The following SH3BGRL2 variants were observed in gnomAD, a reference collection of about 807,000 sequenced individuals.
SH3BGRL2 encodes the protein SH3 domain binding glutamate rich protein like 2.
SH3BGRL2 carries 21 observed loss-of-function variants against 14.8 expected under a neutral mutation model. That is an observed-to-expected ratio of 1.42 (90% CI 1.01 to 2.05). The LOEUF is 2.05. Ranked by LOEUF, SH3BGRL2 falls within the 30% of genes most tolerant of loss-of-function variation. SH3BGRL2 has a pLI of 0.00. For missense variants in SH3BGRL2, 147 were observed against 130.8 expected, an observed-to-expected ratio of 1.12 and a Z score of -0.61; for synonymous variants, 50 against 47.8, an observed-to-expected ratio of 1.05 and a Z score of -0.19.
Position 79,703,372 on chromosome 6 carries a change from T to A in SH3BGRL2, c.*3863T>A, listed in dbSNP as rs2030181508. On this transcript the variant is annotated 3_prime_UTR_variant, in exon 4 of 4. Coordinates refer to ENST00000369838, the MANE Select transcript of SH3BGRL2 (RefSeq NM_031469.4). ...ATAAGCCATTTGAATTTTTAAAAAA[T>A]TTCATACATGCAATGGAATATAGAT... 1 of 152,118 alleles carries A rather than the reference T, an allele frequency of 6.6e-6. No homozygotes were observed. Among genetic ancestry groups the A allele is most frequent in the Non-Finnish European group, 1.5e-5 (1 of 68,028 alleles). The allele number at this position is 152,118 out of a possible 1,614,324, so 9.4% of individuals were successfully genotyped here.
upstream of SH3BGRL2, among the ~76,000 whole-genome samples, chr6:79,630,493 A>C (rs1768800859): frequency 6.6e-6 from 1 of 152,212 alleles, no homozygotes. Context: ...AACTATATAG[A>C]AGCTTTTTAT....
At chr6:79,615,361 G>A in the SH3BGRL2 span, among the ~76,000 whole-genome samples, 6 of 152,160 alleles carry the variant, frequency 3.9e-5, no homozygotes, top group Admixed American at 6.5e-5. Context: ...CAAAAGTTCA[G>A]CTGGACCATT....
At chr6:79,681,051 G>A (rs1562156393) in intron 2 of SH3BGRL2, among the ~76,000 whole-genome samples, 1 of 152,144 alleles carries the variant, frequency 6.6e-6, no homozygotes, top group Non-Finnish European at 1.5e-5. Flanking sequence ...CCCTCAAGGA[G>A]AAAAAACACA....
the SH3BGRL2 span, chr6:79,561,310 A>G: frequency 6.6e-6 from 1 of 152,154 alleles, no homozygotes; most frequent in African/African-American, 2.4e-5. Context: ...ACATGTCGTC[A>G]ATATGTATAT....
intron 1 of SH3BGRL2, among the ~76,000 whole-genome samples, chr6:79,663,732 A>T (rs2127730260): frequency 6.6e-6 from 1 of 152,326 alleles, no homozygotes; most frequent in East Asian, 1.9e-4. Flanking sequence ...AGTCTGCAGA[A>T]GTTTCTGCTG....
chr6:79,573,411 C>A, the SH3BGRL2 span, among the ~76,000 whole-genome samples: 1 of 151,944 alleles, frequency 6.6e-6, no homozygotes, highest in African/African-American at 2.4e-5. Flanking sequence ...ATTATTAAGT[C>A]TTAATATCAG....
At chr6:79,577,539 A>G in the SH3BGRL2 span, among the ~76,000 whole-genome samples, 1 of 152,228 alleles carries the variant, frequency 6.6e-6, no homozygotes, top group Non-Finnish European at 1.5e-5. Context: ...CATTTCCTCC[A>G]CTGATCTAGT....
At chr6:79,692,439 T>C (rs1770239159) in intron 2 of SH3BGRL2, among the ~76,000 whole-genome samples, 1 of 152,244 alleles carries the variant, frequency 6.6e-6, no homozygotes, top group South Asian at 2.1e-4. Context: ...CCCATGCCTA[T>C]GTCCTGAATG....
At chr6:79,566,836 G>A in the SH3BGRL2 span, among the ~76,000 whole-genome samples, 1 of 150,588 alleles carries the variant, frequency 6.6e-6, no homozygotes, top group South Asian at 2.1e-4. Context: ...GTTCAAGGCT[G>A]CAGTGAGCTA....
chr6:79,659,878 G>A (rs1769505953), intron 1 of SH3BGRL2, among the ~76,000 whole-genome samples: 1 of 151,388 alleles, frequency 6.6e-6, no homozygotes, highest in South Asian at 2.1e-4. Flanking sequence ...TGGATTCCTA[G>A]GTATTTTATT....
chr6:79,578,052 G>A, the SH3BGRL2 span, among the ~76,000 whole-genome samples: 1 of 152,246 alleles, frequency 6.6e-6, no homozygotes, highest in Non-Finnish European at 1.5e-5. Flanking sequence ...CTGCAAGGCG[G>A]CAGCCTGGCT....
intron 3 of SH3BGRL2, 86 bp from the exon 4 acceptor site, chr6:79,699,412 A>G (rs1770402750): frequency 2.8e-6 from 4 of 1,433,648 alleles, no homozygotes; most frequent in Non-Finnish European, 3.7e-6. Flanking sequence ...CTGACATTTA[A>G]AAAACCCCTG....
chr6:79,637,905 T>TGATGCTTTAAATTCTGGAATG (rs35091947), intron 1 of SH3BGRL2, among the ~76,000 whole-genome samples: 2 of 151,842 alleles, frequency 1.3e-5, no homozygotes, highest in Non-Finnish European at 2.9e-5. Context: ...AATTCTGGAA[T>TGATGCTTTAAATTCTGGAATG]ATACTTCAAA....
rs139443898 is a variant in SH3BGRL2, at chr6:79,696,325, C to T, written c.232-160C>T. Among the ~76,000 whole-genome samples the T allele has an allele frequency of 4.2e-3, 642 of 152,258 alleles. 3 individuals are homozygous for T. The highest frequency in any genetic ancestry group is 0.015 in the African/African-American group (603 of 41,542). On this transcript the variant is annotated intron_variant, in intron 2 of 3. Transcript: ENST00000369838. Reference sequence around the variant, plus strand: ...TTCATCATACTAAAATAAATTTTTACGTGCAAGCAGACTAATTCAGCAGAT... The same window carrying T: ...TTCATCATACTAAAATAAATTTTTATGTGCAAGCAGACTAATTCAGCAGAT...
chr6:79,537,685 T>C, the SH3BGRL2 span, among the ~76,000 whole-genome samples: 1 of 151,944 alleles, frequency 6.6e-6, no homozygotes, highest in South Asian at 2.1e-4. Flanking sequence ...CGTCGTGGGC[T>C]CCGAGAGGGA....
intron 2 of SH3BGRL2, among the ~76,000 whole-genome samples, chr6:79,685,556 G>T (rs1770074312): frequency 6.6e-6 from 1 of 151,976 alleles, no homozygotes; most frequent in Non-Finnish European, 1.5e-5. Flanking sequence ...TTTGAAAGTT[G>T]AAGAGAAATT....
chr6:79,551,578 A>G, the SH3BGRL2 span, among the ~76,000 whole-genome samples: 3 of 152,170 alleles, frequency 2.0e-5, no homozygotes, highest in Non-Finnish European at 4.4e-5. Flanking sequence ...AGCCAAGACC[A>G]GAAACAGGCA....
chr6:79,636,276 C>T (rs1768920263), intron 1 of SH3BGRL2, among the ~76,000 whole-genome samples: 1 of 152,260 alleles, frequency 6.6e-6, no homozygotes, highest in African/African-American at 2.4e-5. Flanking sequence ...TTCCTGTGGG[C>T]TCTGTAGCAT....
chr6:79,551,650 A>T, the SH3BGRL2 span, among the ~76,000 whole-genome samples: 4 of 152,016 alleles, frequency 2.6e-5, no homozygotes, highest in Non-Finnish European at 4.4e-5. Flanking sequence ...AAACATACAT[A>T]CTCAACTGGT....
Sources: allele counts gnomAD v4.1 joint callset (sites outside exome capture counted in the v4.1 genomes callset), GRCh38; gene constraint gnomAD v4.1.1; transcripts MANE v1.5; gene names NCBI Gene and HGNC (gene_info 2026-07-23, HGNC 2026-07-21).